The following FKBP6 variants were observed in gnomAD, a reference collection of about 807,000 sequenced individuals.
FKBP6 encodes inactive peptidyl-prolyl cis-trans isomerase FKBP6.
In FKBP6, 29 loss-of-function variants were observed where a neutral mutation model predicts 41.7. The ratio of observed to expected loss-of-function variants is 0.70; its 90% CI spans 0.52 to 0.95. FKBP6 has a LOEUF of 0.95. Among genes scored for constraint, FKBP6 ranks in the 40% least tolerant of loss-of-function variants. The pLI is 0.00. For synonymous variants in FKBP6, 130 were observed against 165.1 expected, an observed-to-expected ratio of 0.79 and a Z score of 1.63; for missense variants, 338 against 408.7, an observed-to-expected ratio of 0.83 and a Z score of 1.49.
intron 8 of FKBP6, among the ~76,000 whole-genome samples, chr7:73,353,189 C>T (rs114332139): frequency 1.1e-4 from 17 of 152,294 alleles, no homozygotes; most frequent in African/African-American, 3.8e-4. Context: ...TTCTGACCCT[C>T]CTGCCTCCCT....
chr7:73,340,258 G>C (rs1805131368), intron 5 of FKBP6, among the ~76,000 whole-genome samples: 1 of 152,138 alleles, frequency 6.6e-6, no homozygotes, highest in Non-Finnish European at 1.5e-5. Flanking sequence ...GCCGGGCATG[G>C]TGGCTCACGC....
At chr7:73,336,780 G>A (rs1224163038) in intron 5 of FKBP6, 17 of 456,612 alleles carry the variant, frequency 3.7e-5, no homozygotes, top group Non-Finnish European at 5.3e-5. Context: ...GGTGTGCTGC[G>A]GCTGAACCTG....
At chr7:73,340,044 A>G (rs1293382570) in intron 5 of FKBP6, among the ~76,000 whole-genome samples, 1 of 152,226 alleles carries the variant, frequency 6.6e-6, no homozygotes, top group Non-Finnish European at 1.5e-5. Context: ...ATTAATGAAC[A>G]TGAGATATTT....
chr7:73,357,305 C>G (rs1805661612), intron 8 of FKBP6, among the ~76,000 whole-genome samples: 1 of 118,930 alleles, frequency 8.4e-6, no homozygotes, highest in Non-Finnish European at 1.6e-5. Context: ...GACGGAGTCT[C>G]ACTCTGTCAC....
At chr7:73,336,637 A>T in intron 5 of FKBP6, 1 of 412,616 alleles carries the variant, frequency 2.4e-6, no homozygotes, top group Non-Finnish European at 4.9e-6. Flanking sequence ...GAATAGGCAA[A>T]TGCTACAAAC....
intron 5 of FKBP6, among the ~76,000 whole-genome samples, chr7:73,335,144 A>G (rs1804964803): frequency 6.6e-6 from 1 of 152,104 alleles, no homozygotes; most frequent in African/African-American, 2.4e-5. Flanking sequence ...AAAAAAAAAA[A>G]AAAAAAAAGT....
At chr7:73,331,888 G>T in intron 5 of FKBP6, 112 bp downstream of exon 5, 2 of 1,159,476 alleles carry the variant, frequency 1.7e-6, no homozygotes, top group Non-Finnish European at 2.5e-6. Context: ...TTTGAGACAA[G>T]AGTGTCGCTC....
At chr7:73,346,535 T>C (rs895822038) in intron 8 of FKBP6, among the ~76,000 whole-genome samples, 11 of 152,058 alleles carry the variant, frequency 7.2e-5, no homozygotes, top group Non-Finnish European at 1.3e-4. Context: ...ATATTGTCCT[T>C]TCATTTGGGG....
At chr7:73,340,526 T>C in intron 5 of FKBP6, 112 bp from the exon 6 acceptor site, 3 of 818,382 alleles carry the variant, frequency 3.7e-6, no homozygotes, top group Non-Finnish European at 6.3e-6. Context: ...TCTTGTGTCT[T>C]GCAACCTGTA....
intron 8 of FKBP6, among the ~76,000 whole-genome samples, chr7:73,353,589 G>A (rs1270013654): frequency 6.6e-6 from 1 of 152,186 alleles, no homozygotes; most frequent in Non-Finnish European, 1.5e-5. Context: ...CTTGAGGGTT[G>A]CTGTACTGTT....
intron 8 of FKBP6, among the ~76,000 whole-genome samples, chr7:73,357,340 C>T (rs1304829360): frequency 7.1e-6 from 1 of 141,224 alleles, no homozygotes; most frequent in Non-Finnish European, 1.5e-5. Context: ...CTCACTGCAA[C>T]CTCTGCCTCC....
intron 4 of FKBP6, 22 bp from the exon 5 acceptor site, chr7:73,331,635 T>C (rs782153018): frequency 1.2e-6 from 2 of 1,613,848 alleles, no homozygotes; most frequent in East Asian, 4.5e-5. Context: ...CCTTGCTGAA[T>C]ATTCCTGTCT....
intron 8 of FKBP6, among the ~76,000 whole-genome samples, chr7:73,354,966 G>A (rs1805587882): frequency 6.6e-6 from 1 of 152,176 alleles, no homozygotes; most frequent in Non-Finnish European, 1.5e-5. Flanking sequence ...TCCGATTTCC[G>A]ACAGAAACAT....
chr7:73,341,877 G>A (rs1474410558), intron 7 of FKBP6, among the ~76,000 whole-genome samples: 1 of 151,744 alleles, frequency 6.6e-6, no homozygotes, highest in African/African-American at 2.4e-5. Flanking sequence ...TGTTGACCAG[G>A]CTGGTCTCAA....
intron 8 of FKBP6, 45 bp downstream of exon 8, chr7:73,342,944 G>A: frequency 6.9e-6 from 9 of 1,305,270 alleles, no homozygotes; most frequent in Non-Finnish European, 1.0e-5. Context: ...GGATGGAGAA[G>A]CGTGCTGCTC....
intron 5 of FKBP6, among the ~76,000 whole-genome samples, chr7:73,338,088 C>T (rs1805063070): frequency 1.3e-5 from 2 of 152,128 alleles, no homozygotes; most frequent in African/African-American, 2.4e-5. Context: ...TGCAGTGGCA[C>T]GATCTCGGCT....
intron 5 of FKBP6, among the ~76,000 whole-genome samples, chr7:73,332,354 G>T (rs1172822625): frequency 1.3e-5 from 2 of 151,966 alleles, no homozygotes; most frequent in African/African-American, 4.8e-5. Flanking sequence ...GTGGTGGTGG[G>T]TGCCTGTAAT....
At position 73,335,491 on chromosome 7, in the gene FKBP6, G is replaced by A. The variant is rs577367270; in HGVS notation, c.588+3715G>A. On this transcript the variant is annotated intron_variant, in intron 5 of 8. Transcript: ENST00000252037. ...TATTGAGATTCCTTTTCATAGCCGCGTTACCAGTATACCACCTTCCTGCTG... is the reference window on the plus strand; with the variant it reads ...TATTGAGATTCCTTTTCATAGCCGCATTACCAGTATACCACCTTCCTGCTG... Among the ~76,000 whole-genome samples the A allele has an allele frequency of 2.9e-3, 449 of 152,270 alleles. 2 individuals carry two copies. The highest frequency in any genetic ancestry group is 4.2e-3 in the Non-Finnish European group (289 of 68,020).
intron 8 of FKBP6, among the ~76,000 whole-genome samples, chr7:73,357,939 G>A (rs192157579): frequency 1.3e-5 from 2 of 150,866 alleles, no homozygotes; most frequent in African/African-American, 2.4e-5. Context: ...AGTGAGCAGA[G>A]CCTGTGCTAC....
Sources: gnomAD v4.1 joint callset for allele counts (sites outside exome capture counted in the v4.1 genomes callset) on GRCh38, gnomAD v4.1.1 for gene constraint, MANE v1.5 for transcripts, NCBI Gene and HGNC (gene_info 2026-07-23, HGNC 2026-07-21) for gene names.